The following MTFR2 variants were observed in gnomAD, a reference collection of about 807,000 sequenced individuals.
MTFR2 encodes mitochondrial fission regulator 2.
Under a neutral mutation model 41.2 loss-of-function variants are expected in MTFR2, and 44 were observed. That is an observed-to-expected ratio of 1.07 (90% CI 0.84 to 1.37). The LOEUF (loss-of-function observed/expected upper bound fraction) is 1.37, where lower values mean the gene tolerates loss of function less well. Ranked by LOEUF, MTFR2 falls within the 40% of genes most tolerant of loss-of-function variation. The pLI, the probability that MTFR2 is intolerant of heterozygous loss-of-function variation, is 0.00. For missense variants in MTFR2, 452 were observed against 459.5 expected (o/e 0.98, Z 0.15); for synonymous variants, 141 against 154.6 (o/e 0.91, Z 0.65).
chr6:136,242,594 A>G (rs764897261), intron 4 of MTFR2, among the ~76,000 whole-genome samples: 2 of 152,184 alleles, frequency 1.3e-5, no homozygotes, highest in African/African-American at 2.4e-5. Flanking sequence ...TAAACAGTAT[A>G]TAAGTTTTGG....
At chr6:136,243,178 T>C (rs774602924) in intron 3 of MTFR2, among the ~76,000 whole-genome samples, 4 of 152,226 alleles carry the variant, frequency 2.6e-5, no homozygotes, top group Non-Finnish European at 5.9e-5. Context: ...TTCTCTCCCC[T>C]GGTTAATTTC....
chr6:136,234,513 GA>G (rs1021388512), intron 6 of MTFR2, among the ~76,000 whole-genome samples: 2 of 152,080 alleles, frequency 1.3e-5, no homozygotes, highest in Admixed American at 1.3e-4. Context: ...ACGGAAAAAA[GA>G]AAGCAACTGC....
rs760080716 is a variant in MTFR2, at chr6:136,242,804, G to A, written c.281+57C>T. 2.9e-5 allele frequency: 39 copies of A among 1,333,790 alleles called. 1 individual carries two copies. The South Asian group carries it at 3.3e-4, about 11-fold the overall frequency. 82.6% of individuals were successfully genotyped at this position (1,333,790 alleles called of 1,614,324 possible). On this transcript the variant is annotated intron_variant, in intron 4 of 7. Coordinates refer to ENST00000420702, the MANE Select transcript of MTFR2 (RefSeq NM_001099286.3). ...AGCTCAATCAATCTTAACAAGCTTC[G>A]ACACATGCAAGAATTCAGTTTATAG... is the stretch of plus-strand genomic sequence containing the variant.
Position 136,239,822 on chromosome 6 carries a change from T to A in MTFR2, c.515-2A>T, listed in dbSNP as rs1562209999. On this transcript the variant is annotated splice_acceptor_variant, in intron 5 of 7. Transcript: ENST00000420702. LOFTEE classifies it high-confidence loss of function. ...GCTCGTCACTCAAGCCAAAGGAACCTACAAACAAAGTGGTTTATTACAAAA... is the reference window on the plus strand; with the variant it reads ...GCTCGTCACTCAAGCCAAAGGAACCAACAAACAAAGTGGTTTATTACAAAA... 6.3e-7 allele frequency: 1 copy of A among 1,594,294 alleles called. No homozygotes were observed.
intron 2 of MTFR2, among the ~76,000 whole-genome samples, chr6:136,245,258 T>A (rs1002469940): frequency 1.3e-5 from 2 of 152,062 alleles, no homozygotes. Context: ...ATAGACAATT[T>A]CAAATTATCA....
At chr6:136,238,374 C>T (rs77379854) in intron 6 of MTFR2, among the ~76,000 whole-genome samples, 1 of 151,986 alleles carries the variant, frequency 6.6e-6, no homozygotes, top group East Asian at 1.9e-4. Flanking sequence ...TTTGAGAGAC[C>T]GAGGCAGGAG....
chr6:136,240,882 G>A (rs7752991), intron 5 of MTFR2, among the ~76,000 whole-genome samples: 3 of 151,122 alleles, frequency 2.0e-5, no homozygotes, highest in Non-Finnish European at 4.4e-5. Flanking sequence ...ACGAGGTCAG[G>A]AGATCGAGAC....
At chr6:136,248,472 CA>C (rs2128459796) in intron 2 of MTFR2, among the ~76,000 whole-genome samples, 1 of 152,330 alleles carries the variant, frequency 6.6e-6, no homozygotes, top group South Asian at 2.1e-4. Flanking sequence ...TTCCCCTGCA[CA>C]AGCTCTCTTG....
chr6:136,231,197 A>G lies in MTFR2; in HGVS notation c.*78T>C. ...AATACATCTACTTTTAGCCTTTAAC[A>G]GTCCAAATCAGTTTCTAAGAATAAT... On this transcript the variant is annotated 3_prime_UTR_variant, in exon 8 of 8. Transcript: ENST00000420702. 2 of 936,880 alleles carry G rather than the reference A, an allele frequency of 2.1e-6. No individual in the cohort carries two copies. The highest frequency in any genetic ancestry group is 2.3e-5 in the Admixed American group (1 of 44,244). The allele number at this position is 936,880 out of a possible 1,614,324, so 58.0% of individuals were successfully genotyped here. A position where few individuals can be genotyped will look rare whatever the true frequency, so the allele number is the denominator to read the frequency against.
intron 6 of MTFR2, among the ~76,000 whole-genome samples, chr6:136,236,346 G>A (rs1415537437): frequency 6.6e-6 from 1 of 152,126 alleles, no homozygotes; most frequent in Non-Finnish European, 1.5e-5. Flanking sequence ...ATGACACTTG[G>A]CTCCCAACAG....
rs1331871178 is a variant in MTFR2 at position 136,241,670 on chromosome 6, A to G, written c.288T>C (p.Ser96=). The change falls in exon 5 of 8, where the codon AGT becomes AGC. Residue 96 remains serine (S), a synonymous_variant. Coordinates refer to ENST00000420702, the MANE Select transcript of MTFR2 (RefSeq NM_001099286.3). ...EEASYLRFRN[S]IWKNEEEKVE... ...CTTTCTCTTCTTCATTTTTCCATAT[A>G]CTATTTCTGTGGGTGAAAAAAAATA... 6.8e-6 allele frequency: 11 copies of G among 1,606,164 alleles called. No individual in the cohort carries two copies. The African/African-American group carries it at 1.2e-4, about 18-fold the overall frequency.
At chr6:136,248,738 C>T (rs988578743) in intron 2 of MTFR2, 7 of 335,110 alleles carry the variant, frequency 2.1e-5, no homozygotes, top group Middle Eastern at 8.2e-4. Context: ...TATAAATTAC[C>T]TTGAATAGAA....
chr6:136,238,936 C>T (rs1779976161), intron 6 of MTFR2, among the ~76,000 whole-genome samples: 1 of 152,028 alleles, frequency 6.6e-6, no homozygotes. Flanking sequence ...GGCATGGTGG[C>T]ACATGCCTAT....
At position 136,241,574 on chromosome 6, in the gene MTFR2, C is replaced by T. The variant is rs1054407867; in HGVS notation, c.384G>A (p.Val128=). 1 of 1,614,002 alleles carries T rather than the reference C, an allele frequency of 6.2e-7. No individual in the cohort carries two copies. The highest frequency in any genetic ancestry group is 8.5e-7 in the Non-Finnish European group (1 of 1,180,008). The change falls in exon 5 of 8, where the codon GTG becomes GTA. Residue 128 remains valine (V), a synonymous_variant. Transcript: ENST00000420702. Reference sequence around the variant, plus strand: ...CTTCATTTACAGGCAGGTCATTTTTCACAGTTTCTTTCTGTCTTACAGCAG... The same window carrying T: ...CTTCATTTACAGGCAGGTCATTTTTTACAGTTTCTTTCTGTCTTACAGCAG... The part of the protein sequence containing the change: ...LSPAVRQKET[V]KNDLPVNEAA...
chr6:136,235,332 C>A (rs553680817), intron 6 of MTFR2, among the ~76,000 whole-genome samples: 3 of 152,240 alleles, frequency 2.0e-5, no homozygotes, highest in East Asian at 3.9e-4. Flanking sequence ...AAACGAGATA[C>A]CTGTGAGACA....
At chr6:136,248,972 T>A in intron 2 of MTFR2, 65 bp downstream of exon 2, 1 of 1,418,318 alleles carries the variant, frequency 7.1e-7, no homozygotes, top group East Asian at 2.3e-5. Flanking sequence ...TACATATAAG[T>A]CATTTTCAAA....
At position 136,242,803 on chromosome 6, in the gene MTFR2, C is replaced by T. The variant is rs562715238; in HGVS notation, c.281+58G>A. ...AAGCTCAATCAATCTTAACAAGCTT[C>T]GACACATGCAAGAATTCAGTTTATA... On this transcript the variant is annotated intron_variant, in intron 4 of 7. Transcript: ENST00000420702. 35 of 1,322,396 alleles carry T rather than the reference C, an allele frequency of 2.6e-5. No individual in the cohort carries two copies. The African/African-American group carries it at 3.8e-4, about 15-fold the overall frequency. 81.9% of individuals were successfully genotyped at this position (1,322,396 alleles called of 1,614,324 possible). A position where few individuals can be genotyped will look rare whatever the true frequency, so the allele number is the denominator to read the frequency against.
At chr6:136,241,090 CAAAA>C (rs57165504) in intron 5 of MTFR2, among the ~76,000 whole-genome samples, 2 of 63,260 alleles carry the variant, frequency 3.2e-5, no homozygotes, top group African/African-American at 4.8e-5. Context: ...GACTGCGTCT[CAAAA>C]AAAAAAAAAA....
chr6:136,236,424 T>C (rs759737622), intron 6 of MTFR2, among the ~76,000 whole-genome samples: 5 of 152,196 alleles, frequency 3.3e-5, no homozygotes, highest in Non-Finnish European at 7.3e-5. Flanking sequence ...GCTCATCTGA[T>C]TCCTCAGCAA....
Sources: allele counts gnomAD v4.1 joint callset (sites outside exome capture counted in the v4.1 genomes callset), GRCh38; gene constraint gnomAD v4.1.1; transcripts MANE v1.5; gene names NCBI Gene and HGNC (gene_info 2026-07-23, HGNC 2026-07-21).